The following KCNQ1 variants were observed in gnomAD, a reference collection of about 807,000 sequenced individuals.
The protein encoded by KCNQ1 is potassium voltage-gated channel subfamily Q member 1, also known as potassium voltage-gated channel subfamily KQT member 1.
KCNQ1 carries 49 observed loss-of-function variants against 72.4 expected under a neutral mutation model. The ratio of observed to expected loss-of-function variants is 0.68; its 90% CI spans 0.54 to 0.86. KCNQ1 has a LOEUF of 0.86. Among genes scored for constraint, KCNQ1 ranks in the 40% least tolerant of loss-of-function variants. KCNQ1 has a pLI of 0.00. For synonymous variants in KCNQ1, 450 were observed against 412.6 expected, an observed-to-expected ratio of 1.09 and a Z score of -1.10; for missense variants, 790 against 945.1, an observed-to-expected ratio of 0.84 and a Z score of 2.15.
intron 11 of KCNQ1, chr11:2,694,120 G>A: frequency 5.0e-6 from 2 of 398,702 alleles, no homozygotes; most frequent in Non-Finnish European, 8.8e-6. Context: ...GGGACTGGAA[G>A]TGCTTGCCAA....
In KCNQ1 at chr11:2,848,445, A is replaced by AGGCAG. The variant is rs1848388266; in HGVS notation, c.*449_*453dup. On this transcript the variant is annotated 3_prime_UTR_variant, in exon 16 of 16. Coordinates refer to ENST00000155840, the MANE Select transcript of KCNQ1 (RefSeq NM_000218.3). ...TCAAATCCAGGACCCTGCCAGGCAC[A>AGGCAG]GGCAGGGCAGGACCAGCCCACGCTG... 1 of 463,334 alleles carries AGGCAG rather than the reference A, an allele frequency of 2.2e-6. No homozygotes were observed. The highest frequency in any genetic ancestry group is 1.6e-5 in the South Asian group (1 of 64,430). The allele number at this position is 463,334 out of a possible 1,614,324, so 28.7% of individuals were successfully genotyped here.
At chr11:2,833,445 A>G (rs1316325483) in intron 15 of KCNQ1, among the ~76,000 whole-genome samples, 1 of 152,128 alleles carries the variant, frequency 6.6e-6, no homozygotes, top group Non-Finnish European at 1.5e-5. Context: ...AGGGAGTCTC[A>G]GCCTTAGGGT....
At chr11:2,686,585 G>A in intron 11 of KCNQ1, 1 of 398,684 alleles carries the variant, frequency 2.5e-6, no homozygotes, top group Non-Finnish European at 4.4e-6. Context: ...GACTAGAATG[G>A]CAGCTTGGCT....
At chr11:2,755,227 C>T (rs2133967305) in intron 11 of KCNQ1, among the ~76,000 whole-genome samples, 1 of 152,224 alleles carries the variant, frequency 6.6e-6, no homozygotes, top group East Asian at 1.9e-4. Flanking sequence ...CAGGAAAGAG[C>T]CTCCACTGTT....
In KCNQ1 at chr11:2,530,659, G is replaced by A. The variant is rs190486774; in HGVS notation, c.477+2641G>A. Among the ~76,000 whole-genome samples the A allele has an allele frequency of 3.1e-4, 47 of 152,330 alleles. 1 individual carries two copies. The East Asian group carries it at 7.9e-3, about 26-fold the overall frequency. On this transcript the variant is annotated intron_variant, in intron 2 of 15. Transcript: ENST00000155840. ...TGTAAGTGTGCATACACATGAGCAC[G>A]TGGGGACTTTCACGCATGTTTGGCT...
chr11:2,651,734 C>G lies in KCNQ1; in HGVS notation c.1394-10227C>G. 1 of 398,628 alleles carries G rather than the reference C, an allele frequency of 2.5e-6. No homozygotes were observed. The highest frequency in any genetic ancestry group is 4.4e-6 in the Non-Finnish European group (1 of 226,086). 24.7% of individuals were successfully genotyped at this position (398,628 alleles called of 1,614,324 possible). ...AGTAAGCATCATCCTCATTTCTATA[C>G]GTTTTCTCTGATTACTGGAAATTCC... On this transcript the variant is annotated intron_variant, in intron 10 of 15. Coordinates refer to ENST00000155840, the MANE Select transcript of KCNQ1 (RefSeq NM_000218.3). The surrounding 1 kb of genome is among the most constrained non-coding windows in gnomAD (Gnocchi z 6.1).
chr11:2,707,069 G>A, intron 11 of KCNQ1, among the ~76,000 whole-genome samples: 1 of 152,222 alleles, frequency 6.6e-6, no homozygotes, highest in Admixed American at 6.5e-5. Context: ...AGGACCAGGA[G>A]CGGGGTTCTC....
intron 15 of KCNQ1, among the ~76,000 whole-genome samples, chr11:2,805,240 C>G (rs1847348405): frequency 6.6e-6 from 1 of 152,180 alleles, no homozygotes; most frequent in South Asian, 2.1e-4. Context: ...GAGCCTTTCC[C>G]CCAGCTCCAG....
rs117006014 is a variant in KCNQ1 at position 2,722,313 on chromosome 11, G to A, written c.1515-46531G>A. On this transcript the variant is annotated intron_variant, in intron 11 of 15. Transcript: ENST00000155840. ...ACTATGGGAGGCCAGGGCGGGCCTC[G>A]GGTGCATGCCTCTCTGTGGCAGTGA... is the stretch of plus-strand genomic sequence containing the variant. 4.5e-3 allele frequency among the ~76,000 whole-genome samples: 689 copies of A among 152,282 alleles called. 1 individual carries two copies. The highest frequency in any genetic ancestry group is 0.01 in the Middle Eastern group (3 of 294).
chr11:2,648,439 G>T (rs751397365), intron 10 of KCNQ1: 2 of 398,146 alleles, frequency 5.0e-6, no homozygotes, highest in African/African-American at 4.1e-5. Context: ...CACTTCTTTT[G>T]TTGTACCCTA....
intron 15 of KCNQ1, among the ~76,000 whole-genome samples, chr11:2,812,720 C>A (rs1847516312): frequency 6.6e-6 from 1 of 152,224 alleles, no homozygotes; most frequent in South Asian, 2.1e-4. Context: ...AGGAAGCAAT[C>A]CAGGCACCCT....
rs1590059636 is a variant in KCNQ1 at position 2,734,548 on chromosome 11, G to A, written c.1515-34296G>A. On this transcript the variant is annotated intron_variant, in intron 11 of 15. Coordinates refer to ENST00000155840, the MANE Select transcript of KCNQ1 (RefSeq NM_000218.3). The surrounding 1 kb of genome is among the most constrained non-coding windows in gnomAD (Gnocchi z 7.0). ...GCTGAGAGCCAGATGTGGGGAGCGG[G>A]GCTGTCGAGGCTGATCTCAGGATGC... Among the ~76,000 whole-genome samples, 1 of 152,120 alleles carries A rather than the reference G, an allele frequency of 6.6e-6. No homozygotes were observed. The highest frequency in any genetic ancestry group is 1.5e-5 in the Non-Finnish European group (1 of 68,018).
chr11:2,560,990 C>T (rs1233704917), intron 2 of KCNQ1, among the ~76,000 whole-genome samples: 11 of 151,864 alleles, frequency 7.2e-5, no homozygotes, highest in Non-Finnish European at 1.6e-4. Flanking sequence ...ATCACGAGGT[C>T]AGGAGATCGA....
chr11:2,554,294 A>G (rs962243011), intron 2 of KCNQ1, among the ~76,000 whole-genome samples: 1 of 152,138 alleles, frequency 6.6e-6, no homozygotes, highest in Non-Finnish European at 1.5e-5. Context: ...CTTTGTGGAG[A>G]AGTTTGCCAT....
chr11:2,717,952 C>T (rs1851123169), intron 11 of KCNQ1, among the ~76,000 whole-genome samples: 1 of 152,250 alleles, frequency 6.6e-6, no homozygotes. Context: ...GTAAAGACCA[C>T]ACCTGGCATG....
chr11:2,733,760 G>A (rs1011994166), intron 11 of KCNQ1, among the ~76,000 whole-genome samples: 3 of 137,060 alleles, frequency 2.2e-5, no homozygotes, highest in African/African-American at 8.1e-5. Flanking sequence ...GGCAGGAGGG[G>A]GACTTCAGGC....
intron 10 of KCNQ1, chr11:2,615,392 T>G (rs1156248572): frequency 2.5e-6 from 1 of 397,978 alleles, no homozygotes; most frequent in African/African-American, 2.1e-5. Context: ...TTTACCTGTT[T>G]GTTTATTTAT....
In KCNQ1 at chr11:2,565,576, G is replaced by T. The variant is rs574683602; in HGVS notation, c.478-5052G>T. On this transcript the variant is annotated intron_variant, in intron 2 of 15. Coordinates refer to ENST00000155840, the MANE Select transcript of KCNQ1 (RefSeq NM_000218.3). The surrounding 1 kb of genome is among the most constrained non-coding windows in gnomAD (Gnocchi z 5.6). ...TGGACATGGATTCACACTCATGGTA[G>T]AACAGAGCTGAGGGTGCAGTGTGGG... is the stretch of plus-strand genomic sequence containing the variant. Among the ~76,000 whole-genome samples, 17 of 152,218 alleles carry T rather than the reference G, an allele frequency of 1.1e-4. No individual in the cohort carries two copies. Among genetic ancestry groups the T allele is most frequent in the Non-Finnish European group, 2.5e-4 (17 of 68,036 alleles).
rs1189739685 is a variant in KCNQ1, at chr11:2,746,698, T to C, written c.1515-22146T>C. Among the ~76,000 whole-genome samples the C allele has an allele frequency of 3.9e-5, 6 of 152,230 alleles. No homozygotes were observed. The highest frequency in any genetic ancestry group is 1.4e-4 in the African/African-American group (6 of 41,466). ...GGGCCCATCCTGTCGGTGTGGCTCG[T>C]CATGGGCGATGCTGTCTCTGTCTCC... On this transcript the variant is annotated intron_variant, in intron 11 of 15. Transcript: ENST00000155840. The surrounding 1 kb of genome is among the most constrained non-coding windows in gnomAD (Gnocchi z 5.9).
Sources: allele counts gnomAD v4.1 joint callset (sites outside exome capture counted in the v4.1 genomes callset), GRCh38; gene constraint gnomAD v4.1.1; non-coding constraint Gnocchi (gnomAD v3.1); transcripts MANE v1.5; gene names NCBI Gene and HGNC (gene_info 2026-07-23, HGNC 2026-07-21).